Variants in KIF1A observed in about 807,000 individuals in gnomAD.
KIF1A encodes the protein kinesin-like protein KIF1A.
In KIF1A, 46 loss-of-function variants were observed where a neutral mutation model predicts 227.3. The observed-to-expected ratio is 0.20, with a 90% CI of 0.16 to 0.26. KIF1A has a LOEUF of 0.26. Among genes scored for constraint, KIF1A ranks in the 10% least tolerant of loss-of-function variants. The pLI is 1.00. For synonymous variants in KIF1A, 1,022 were observed against 1,012.8 expected (o/e 1.01, Z -0.17); for missense variants, 1,683 against 2,485.9 (o/e 0.68, Z 6.87).
At chr2:240,797,592 C>T (rs2056543138) in intron 2 of KIF1A, 55 bp downstream of exon 2, 2 of 1,272,984 alleles carry the variant, frequency 1.6e-6, no homozygotes, top group Admixed American at 3.6e-5. Flanking sequence ...AGGCACAGGA[C>T]CATGGCCCCC....
chr2:240,747,383 G>C, intron 28 of KIF1A, 62 bp from the exon 29 acceptor site: 1 of 1,387,376 alleles, frequency 7.2e-7, no homozygotes, highest in South Asian at 1.2e-5. Context: ...GGTGTGGGCA[G>C]AGCCAGGCTG....
chr2:240,787,580 C>G (rs1034410038), intron 4 of KIF1A, among the ~76,000 whole-genome samples: 8 of 152,210 alleles, frequency 5.3e-5, no homozygotes. Flanking sequence ...ACATCCCAGC[C>G]ATCTCCCTTC....
chr2:240,764,292 G>C (rs1182892078), intron 20 of KIF1A, among the ~76,000 whole-genome samples: 1 of 152,130 alleles, frequency 6.6e-6, no homozygotes, highest in Non-Finnish European at 1.5e-5. Flanking sequence ...CCCAAGCTAA[G>C]GCCTCTCTTA....
chr2:240,723,366 C>T, intron 42 of KIF1A, 47 bp downstream of exon 42: 1 of 1,494,210 alleles, frequency 6.7e-7, no homozygotes, highest in Non-Finnish European at 9.0e-7. Flanking sequence ...GCACACAAAG[C>T]CACATGGACA....
At chr2:240,816,493 C>T (rs1241782538) in intron 1 of KIF1A, among the ~76,000 whole-genome samples, 1 of 152,072 alleles carries the variant, frequency 6.6e-6, no homozygotes, top group Non-Finnish European at 1.5e-5. Flanking sequence ...ACGAGGATGC[C>T]TGGAGAGCCA....
At chr2:240,810,309 G>A (rs935751344) in intron 1 of KIF1A, among the ~76,000 whole-genome samples, 12 of 152,098 alleles carry the variant, frequency 7.9e-5, no homozygotes. Context: ...AAGAAAATGG[G>A]CAAAAAGATA....
Position 240,722,506 on chromosome 2 carries a change from G to C in KIF1A, c.4615C>G (p.Pro1539Ala), listed in dbSNP as rs752661594. Residue 1539 changes from proline to alanine, a missense_variant, in exon 43 of 49, where the codon CCA becomes GCA. Around this residue, in one of 12 missense-constraint regions of KIF1A, gnomAD observed 384 missense variants for 410.1 expected, o/e 0.94. Transcript: ENST00000498729. ...ASSPLSAEGR[P>A]SPLEAPNERQ... is the part of the protein sequence containing the mutation. The stretch of plus-strand genomic sequence containing the variant: ...TCGTTGGGAGCCTCCAGGGGTGATG[G>C]GCGGCCCTCAGCCGAGAGCGGGGAG... The C allele has an allele frequency of 6.5e-7, 1 of 1,547,934 alleles. No individual in the cohort carries two copies. Among genetic ancestry groups the C allele is most frequent in the African/African-American group, 1.4e-5 (1 of 73,092 alleles).
In KIF1A at chr2:240,788,328, G is replaced by T; in HGVS notation, c.184-98C>A. On this transcript the variant is annotated intron_variant, in intron 3 of 48. Transcript: ENST00000498729. The surrounding 1 kb of genome is among the most constrained non-coding windows in gnomAD (Gnocchi z 6.6). ...GCCAGGGGATGCCCAGGGCCTCAGG[G>T]TGCCAGGGCAGCACAGTGGGGAGGG... The T allele has an allele frequency of 8.6e-7, 1 of 1,157,516 alleles. No homozygotes were observed. Among genetic ancestry groups the T allele is most frequent in the South Asian group, 1.3e-5 (1 of 76,562 alleles). The allele number at this position is 1,157,516 out of a possible 1,614,324, so 71.7% of individuals were successfully genotyped here. A position where few individuals can be genotyped will look rare whatever the true frequency, so the allele number is the denominator to read the frequency against.
At chr2:240,804,376 C>T (rs187969088) in intron 1 of KIF1A, among the ~76,000 whole-genome samples, 4 of 152,222 alleles carry the variant, frequency 2.6e-5, no homozygotes, top group Admixed American at 2.6e-4. Flanking sequence ...TATAAAGCAC[C>T]TAGAAATTCA....
chr2:240,783,192 G>T, intron 8 of KIF1A, 83 bp from the exon 9 acceptor site: 1 of 1,090,022 alleles, frequency 9.2e-7, no homozygotes, highest in Non-Finnish European at 1.4e-6. Flanking sequence ...GGGTGGACCT[G>T]TGCAGTGTGG....
intron 38 of KIF1A, chr2:240,728,354 A>G: frequency 7.8e-7 from 1 of 1,275,810 alleles, no homozygotes; most frequent in Non-Finnish European, 1.0e-6. Flanking sequence ...AAGAGGACAG[A>G]CCAAGCAAGG....
chr2:240,759,255 C>T (rs1296187886), intron 25 of KIF1A, among the ~76,000 whole-genome samples: 1 of 151,950 alleles, frequency 6.6e-6, no homozygotes, highest in Non-Finnish European at 1.5e-5. Context: ...TTGGGGGGCA[C>T]TGCAGGCTGG....
intron 12 of KIF1A, 99 bp from the exon 13 acceptor site, chr2:240,773,355 G>T: frequency 6.8e-7 from 1 of 1,473,640 alleles, no homozygotes; most frequent in Non-Finnish European, 9.3e-7. Flanking sequence ...AGCCTTTTGG[G>T]CTCAGCAGCC....
chr2:240,782,000 C>G (rs2054090569), intron 10 of KIF1A: 34 of 985,316 alleles, frequency 3.5e-5, no homozygotes, highest in Non-Finnish European at 4.1e-5. Flanking sequence ...TCGCGGATCC[C>G]CGTGGTGGCG....
Position 240,766,815 on chromosome 2 carries a change from C to A in KIF1A, c.1684+100G>T, listed in dbSNP as rs539517169. The A allele has an allele frequency of 2.8e-5, 20 of 708,444 alleles. No individual in the cohort carries two copies. In the South Asian group the frequency reaches 3.5e-4, roughly 12 times the overall value. The allele number at this position is 708,444 out of a possible 1,614,324, so 43.9% of individuals were successfully genotyped here. A position where few individuals can be genotyped will look rare whatever the true frequency, so the allele number is the denominator to read the frequency against. ...CTGCCTAGAAGTATGACTCGCGACC[C>A]ACTTAGTGCTGGGTAAGCTGGGAGA... On this transcript the variant is annotated intron_variant, in intron 19 of 48. Coordinates refer to ENST00000498729, the MANE Select transcript of KIF1A (RefSeq NM_001244008.2). This position sits in a 1 kb window ranked among gnomAD's most constrained non-coding sequence, Gnocchi z 5.0.
At chr2:240,784,896 T>C in intron 7 of KIF1A, 93 bp downstream of exon 7, 1 of 1,009,074 alleles carries the variant, frequency 9.9e-7, no homozygotes, top group Non-Finnish European at 1.6e-6. Context: ...ATTGGGCCTG[T>C]CCTTGTGCTG....
chr2:240,809,742 C>T (rs531410794), intron 1 of KIF1A, among the ~76,000 whole-genome samples: 2 of 147,594 alleles, frequency 1.4e-5, no homozygotes, highest in Admixed American at 1.3e-4. Flanking sequence ...AATCTTGGCT[C>T]GCTGCAACCT....
intron 1 of KIF1A, among the ~76,000 whole-genome samples, chr2:240,807,814 C>T (rs1258858733): frequency 6.6e-6 from 1 of 152,108 alleles, no homozygotes; most frequent in South Asian, 2.1e-4. Flanking sequence ...ATAAAAAGGG[C>T]AATGCAGGTA....
intron 10 of KIF1A, chr2:240,782,152 C>G (rs1166391233): frequency 3.0e-6 from 3 of 985,258 alleles, no homozygotes; most frequent in Non-Finnish European, 3.6e-6. Flanking sequence ...CTCCGCGGCA[C>G]CTCCGACTCC....
Sources: gnomAD v4.1 joint callset for allele counts (sites outside exome capture counted in the v4.1 genomes callset) on GRCh38, gnomAD v4.1.1 for gene constraint, gnomAD v4.1.1 regional missense constraint, Gnocchi (gnomAD v3.1) non-coding constraint, MANE v1.5 for transcripts, NCBI Gene and HGNC (gene_info 2026-07-23, HGNC 2026-07-21) for gene names.